Variants in GRID2 observed in about 807,000 individuals in gnomAD.
The protein encoded by GRID2 is glutamate ionotropic receptor delta type subunit 2, also known as glutamate receptor ionotropic, delta-2.
A neutral mutation model predicts 114.8 loss-of-function variants in GRID2; 33 were observed. The ratio of observed to expected loss-of-function variants is 0.29; its 90% CI spans 0.22 to 0.38. The LOEUF (loss-of-function observed/expected upper bound fraction) is 0.38. Among genes scored for constraint, GRID2 ranks in the 10% least tolerant of loss-of-function variants. GRID2 has a pLI of 1.00. For missense variants in GRID2, 1,184 were observed against 1,257.7 expected (o/e 0.94, Z 0.89); for synonymous variants, 505 against 449.9 (o/e 1.12, Z -1.55).
chr4:92,397,133 A>G (rs1257437028), intron 1 of GRID2, among the ~76,000 whole-genome samples: 1 of 152,092 alleles, frequency 6.6e-6, no homozygotes, highest in Non-Finnish European at 1.5e-5. Context: ...TAAAATAATC[A>G]TGTAAAACTT....
chr4:93,487,769 A>G (rs1008278148), intron 11 of GRID2, among the ~76,000 whole-genome samples: 2 of 151,936 alleles, frequency 1.3e-5, no homozygotes, highest in African/African-American at 4.8e-5. Flanking sequence ...CTCTGGGCCT[A>G]TAAATTTTTA....
At chr4:92,940,491 T>A (rs1751026295) in intron 2 of GRID2, among the ~76,000 whole-genome samples, 2 of 152,118 alleles carry the variant, frequency 1.3e-5, no homozygotes, top group South Asian at 4.1e-4. Flanking sequence ...GTTTTCTAGA[T>A]ATACAATCCT....
chr4:93,637,390 T>C (rs1009941399), intron 14 of GRID2, among the ~76,000 whole-genome samples: 7 of 152,132 alleles, frequency 4.6e-5, no homozygotes, highest in Non-Finnish European at 8.8e-5. Context: ...AACTGATAAG[T>C]GACAAAGCCA....
intron 4 of GRID2, among the ~76,000 whole-genome samples, chr4:93,191,568 C>G (rs964965594): frequency 6.6e-6 from 1 of 151,916 alleles, no homozygotes; most frequent in South Asian, 2.1e-4. Context: ...TGCACAGAGC[C>G]ATTATTACAT....
intron 14 of GRID2, among the ~76,000 whole-genome samples, chr4:93,741,607 A>G (rs969065637): frequency 1.3e-5 from 2 of 152,302 alleles, no homozygotes; most frequent in Admixed American, 1.3e-4. Context: ...AAATTAAACA[A>G]CAGTTTTATG....
intron 14 of GRID2, among the ~76,000 whole-genome samples, chr4:93,730,213 A>C (rs760730511): frequency 1.3e-5 from 2 of 152,232 alleles, no homozygotes; most frequent in African/African-American, 2.4e-5. Context: ...GGAGAGAATA[A>C]ATCTCTTAGG....
chr4:93,557,925 T>C (rs925942550), intron 13 of GRID2, among the ~76,000 whole-genome samples: 27 of 152,162 alleles, frequency 1.8e-4, no homozygotes, highest in African/African-American at 4.8e-4. Flanking sequence ...GAACTCAGGA[T>C]TAAGAAACTC....
chr4:93,047,934 G>T (rs1046073125), intron 2 of GRID2, among the ~76,000 whole-genome samples: 4 of 151,934 alleles, frequency 2.6e-5, no homozygotes, highest in African/African-American at 9.7e-5. Context: ...ACCTAAGATT[G>T]TTTTCTAAGC....
chr4:93,713,351 T>G (rs1728645211), intron 14 of GRID2, among the ~76,000 whole-genome samples: 3 of 151,874 alleles, frequency 2.0e-5, no homozygotes, highest in Admixed American at 2.0e-4. Flanking sequence ...GTTGTTGTTG[T>G]TCATTTTCTG....
chr4:92,759,873 G>A (rs1456846557), intron 2 of GRID2, among the ~76,000 whole-genome samples: 2 of 150,688 alleles, frequency 1.3e-5, no homozygotes, highest in Non-Finnish European at 2.9e-5. Context: ...GTGATCACCT[G>A]CCTCAGCCTC....
intron 2 of GRID2, among the ~76,000 whole-genome samples, chr4:92,760,257 A>G (rs996086490): frequency 2.5e-3 from 378 of 151,060 alleles, no homozygotes; most frequent in Non-Finnish European, 4.2e-3. Context: ...AAAAAAAAAA[A>G]AAAAGAAAAG....
At chr4:93,757,266 TA>T (rs1280777264) in intron 14 of GRID2, among the ~76,000 whole-genome samples, 3 of 152,220 alleles carry the variant, frequency 2.0e-5, no homozygotes, top group African/African-American at 7.2e-5. Context: ...CTCAACTCCT[TA>T]AATAACTTAC....
chr4:92,930,858 G>A (rs1439902308), intron 2 of GRID2, among the ~76,000 whole-genome samples: 4 of 150,792 alleles, frequency 2.7e-5, no homozygotes, highest in African/African-American at 7.3e-5. Context: ...ATTCTATTAA[G>A]GAATGTAAAT....
At chr4:93,071,734 C>A (rs1313470825) in intron 2 of GRID2, among the ~76,000 whole-genome samples, 1 of 152,204 alleles carries the variant, frequency 6.6e-6, no homozygotes, top group South Asian at 2.1e-4. Context: ...GGGTTATATT[C>A]ATGGCCAGGC....
At chr4:93,230,798 C>A (rs1045578252) in intron 7 of GRID2, among the ~76,000 whole-genome samples, 12 of 152,194 alleles carry the variant, frequency 7.9e-5, no homozygotes, top group Admixed American at 3.9e-4. Context: ...TGGGAATAAA[C>A]ACCCTCAATT....
intron 1 of GRID2, among the ~76,000 whole-genome samples, chr4:92,460,032 C>A (rs1448389270): frequency 2.1e-5 from 1 of 48,440 alleles, no homozygotes; most frequent in East Asian, 1.9e-3. Flanking sequence ...ATAAATCTCA[C>A]TATATATATA....
rs114769936 is a variant in GRID2 at position 92,841,351 on chromosome 4, T to G, written c.245-243644T>G. Among the ~76,000 whole-genome samples, 875 of 152,208 alleles carry G rather than the reference T, an allele frequency of 5.7e-3. 16 individuals are homozygous for G. The highest frequency in any genetic ancestry group is 0.02 in the African/African-American group (831 of 41,558). ...ATTTTCCAGAAATAACAAGATAGTTTATGACCTGTATCATCTTTCCACAGT... is the reference window on the plus strand; with the variant it reads ...ATTTTCCAGAAATAACAAGATAGTTGATGACCTGTATCATCTTTCCACAGT... On this transcript the variant is annotated intron_variant, in intron 2 of 15. Transcript: ENST00000282020.
intron 2 of GRID2, among the ~76,000 whole-genome samples, chr4:92,872,532 T>C (rs959624469): frequency 1.3e-5 from 2 of 152,162 alleles, no homozygotes; most frequent in Middle Eastern, 3.4e-3. Flanking sequence ...ATTATTTGGA[T>C]GATTAAAAAT....
At chr4:92,865,791 A>G (rs1345855611) in intron 2 of GRID2, among the ~76,000 whole-genome samples, 1 of 152,228 alleles carries the variant, frequency 6.6e-6, no homozygotes, top group African/African-American at 2.4e-5. Context: ...CATAAAGCAT[A>G]TGTGTTTTAC....
Sources: allele counts gnomAD v4.1 joint callset (sites outside exome capture counted in the v4.1 genomes callset), GRCh38; gene constraint gnomAD v4.1.1; transcripts MANE v1.5; gene names NCBI Gene and HGNC (gene_info 2026-07-23, HGNC 2026-07-21).